The following C1QTNF8 variants were observed in gnomAD, a reference collection of about 807,000 sequenced individuals.
C1QTNF8 encodes complement C1q tumor necrosis factor-related protein 8.
C1QTNF8 carries 27 observed loss-of-function variants against 19.2 expected under a neutral mutation model. The observed-to-expected ratio is 1.41, with a 90% CI of 1.04 to 1.94. The LOEUF (loss-of-function observed/expected upper bound fraction) is 1.94. Among genes scored for constraint, C1QTNF8 ranks in the 30% most tolerant of loss-of-function variants. The pLI is 0.00. For synonymous variants in C1QTNF8, 208 were observed against 172.8 expected (o/e 1.20, Z -1.60); for missense variants, 484 against 374.4 (o/e 1.29, Z -2.42).
In C1QTNF8 at chr16:1,096,000, G is replaced by A. The variant is rs369982922; in HGVS notation, c.-186+156C>T. Among the ~76,000 whole-genome samples the A allele has an allele frequency of 3.0e-4, 45 of 152,326 alleles. No homozygotes were observed. The East Asian group carries it at 5.4e-3, about 18-fold the overall frequency. ...AGGAGCCCCCACGGAGTTCCCGGCC[G>A]TCCCAGCCCCTGGCCCTGCCTGGCA... On this transcript the variant is annotated intron_variant, in intron 1 of 4. Coordinates refer to ENST00000328449, the MANE Select transcript of C1QTNF8 (RefSeq NM_207419.3).
chr16:1,094,910 CG>C lies in C1QTNF8; in HGVS notation c.12del (p.Ala5ProfsTer5). On this transcript the variant is annotated frameshift_variant, in exon 3 of 5. Coordinates refer to ENST00000328449, the MANE Select transcript of C1QTNF8 (RefSeq NM_207419.3). LOFTEE classifies it high-confidence loss of function. MAA[P>X]ALLLLALLLP... is the part of the protein sequence containing the mutation. ...AGCAGCAGTGCTAGGAGCAGCAGGG[CG>C]GGGGCTGCCATCTTGGCCAGGGCTG... 7.6e-7 allele frequency: 1 copy of C among 1,315,304 alleles called. No individual in the cohort carries two copies. The highest frequency in any genetic ancestry group is 9.7e-7 in the Non-Finnish European group (1 of 1,026,276). The allele number at this position is 1,315,304 out of a possible 1,614,324, so 81.5% of individuals were successfully genotyped here. A position where few individuals can be genotyped will look rare whatever the true frequency, so the allele number is the denominator to read the frequency against.
rs78199426 is a variant in C1QTNF8, at chr16:1,088,349, T to C, written c.*2250A>G. 6.6e-6 allele frequency among the ~76,000 whole-genome samples: 1 copy of C among 152,320 alleles called. No homozygotes were observed. Among genetic ancestry groups the C allele is most frequent in the East Asian group, 1.9e-4 (1 of 5,186 alleles). On this transcript the variant is annotated 3_prime_UTR_variant, in exon 5 of 5. Coordinates refer to ENST00000328449, the MANE Select transcript of C1QTNF8 (RefSeq NM_207419.3). The stretch of plus-strand genomic sequence containing the variant: ...GGGATGTCCCCGCGGGAAGCCGCGT[T>C]CCCCAGTCCCTTCCTGTGCGGTTGA...
In C1QTNF8 at chr16:1,095,784, T is replaced by G. The variant is rs1596245604; in HGVS notation, c.-181A>C. The G allele has an allele frequency of 6.6e-6, 1 of 152,346 alleles. No homozygotes were observed. The highest frequency in any genetic ancestry group is 1.9e-4 in the East Asian group (1 of 5,174). 9.4% of individuals were successfully genotyped at this position (152,346 alleles called of 1,614,324 possible). On this transcript the variant is annotated 5_prime_UTR_variant, in exon 2 of 5. Transcript: ENST00000328449. ...GGATTGTAGCACAGGGCAAGGTCCTTCCTCCTGCAGTGGGTCATTCCAGGT... is the reference window on the plus strand; with the variant it reads ...GGATTGTAGCACAGGGCAAGGTCCTGCCTCCTGCAGTGGGTCATTCCAGGT...
intron 2 of C1QTNF8, among the ~76,000 whole-genome samples, chr16:1,095,336 G>GC (rs898859067): frequency 6.6e-6 from 1 of 152,170 alleles, no homozygotes; most frequent in Non-Finnish European, 1.5e-5. Context: ...CCAGGGAAAG[G>GC]CCCCCCAAGG....
chr16:1,091,255 C>A (rs1387505252), intron 4 of C1QTNF8, among the ~76,000 whole-genome samples: 1 of 152,168 alleles, frequency 6.6e-6, no homozygotes, highest in Admixed American at 6.5e-5. Flanking sequence ...CTCTCCTGCC[C>A]CCACCCGGGG....
chr16:1,092,345 G>T (rs1047476172), intron 4 of C1QTNF8, among the ~76,000 whole-genome samples: 4 of 151,352 alleles, frequency 2.6e-5, no homozygotes, highest in African/African-American at 9.8e-5. Context: ...GCACACAGTC[G>T]GCGCTCAATC....
Position 1,089,838 on chromosome 16 carries a change from G to T in C1QTNF8, c.*761C>A, listed in dbSNP as rs1253137526. ...TCGGCCCACCCCTTCCTGTTCGGGC[G>T]CCTTTCTCTCTAAGGCGGAAGCCTC... On this transcript the variant is annotated 3_prime_UTR_variant, in exon 5 of 5. Transcript: ENST00000328449. 1.3e-5 allele frequency among the ~76,000 whole-genome samples: 2 copies of T among 152,152 alleles called. No homozygotes were observed. The highest frequency in any genetic ancestry group is 1.9e-4 in the East Asian group (1 of 5,186).
intron 2 of C1QTNF8, among the ~76,000 whole-genome samples, chr16:1,095,193 G>A (rs528077014): frequency 6.6e-6 from 1 of 152,338 alleles, no homozygotes; most frequent in South Asian, 2.1e-4. Flanking sequence ...CCCCACACCC[G>A]GCAGATGGTG....
Position 1,088,427 on chromosome 16 carries a change from G to T in C1QTNF8, c.*2172C>A, listed in dbSNP as rs1960479014. ...CCACGGGGGTGCCCGGTGCGGTTCT[G>T]ATGGGGTGGCTCCCCCTTGTCTCCT... On this transcript the variant is annotated 3_prime_UTR_variant, in exon 5 of 5. Transcript: ENST00000328449. Among the ~76,000 whole-genome samples the T allele has an allele frequency of 6.6e-6, 1 of 152,190 alleles. No individual in the cohort carries two copies. The highest frequency in any genetic ancestry group is 1.5e-5 in the Non-Finnish European group (1 of 68,032).
At chr16:1,091,650 A>G (rs1201198436) in intron 4 of C1QTNF8, among the ~76,000 whole-genome samples, 1 of 152,004 alleles carries the variant, frequency 6.6e-6, no homozygotes, top group African/African-American at 2.4e-5. Flanking sequence ...CCTGACTTTC[A>G]TCCCTGTCTA....
chr16:1,088,336 C>T lies in C1QTNF8; in HGVS notation c.*2263G>A, dbSNP rs554139932. On this transcript the variant is annotated 3_prime_UTR_variant, in exon 5 of 5. Transcript: ENST00000328449. ...CTGGAATGTCACAGGGATGTCCCCG[C>T]GGGAAGCCGCGTTCCCCAGTCCCTT... 6.6e-5 allele frequency among the ~76,000 whole-genome samples: 10 copies of T among 152,358 alleles called. No individual in the cohort carries two copies. Among genetic ancestry groups the T allele is most frequent in the East Asian group, 1.9e-4 (1 of 5,190 alleles).
At chr16:1,091,676 C>T (rs1047130397) in intron 4 of C1QTNF8, among the ~76,000 whole-genome samples, 2 of 152,270 alleles carry the variant, frequency 1.3e-5, no homozygotes, top group Non-Finnish European at 1.5e-5. Flanking sequence ...AAGGCAACTC[C>T]GTGGGGGTCT....
chr16:1,095,593 C>G (rs762843611), intron 2 of C1QTNF8, 22 bp downstream of exon 2: 1 of 152,436 alleles, frequency 6.6e-6, no homozygotes, highest in Non-Finnish European at 1.5e-5. Flanking sequence ...CCTGGCCCCC[C>G]TGCCAGGTGG....
In C1QTNF8 at chr16:1,089,764, T is replaced by TG. The variant is rs1960505391; in HGVS notation, c.*834dup. Among the ~76,000 whole-genome samples, 1 of 152,096 alleles carries TG rather than the reference T, an allele frequency of 6.6e-6. No homozygotes were observed. The highest frequency in any genetic ancestry group is 1.5e-5 in the Non-Finnish European group (1 of 68,010). ...CGGCCGTCAGCACACGGGGTAGGGCTGGGGGTGTCCCGGTCGGGGTGGGAG... is the reference window on the plus strand; with the variant it reads ...CGGCCGTCAGCACACGGGGTAGGGCTGGGGGGTGTCCCGGTCGGGGTGGGAG... On this transcript the variant is annotated 3_prime_UTR_variant, in exon 5 of 5. Transcript: ENST00000328449.
chr16:1,094,887 C>A lies in C1QTNF8; in HGVS notation c.36G>T (p.Leu12=). 7.2e-7 allele frequency: 1 copy of A among 1,388,370 alleles called. No homozygotes were observed. The highest frequency in any genetic ancestry group is 1.8e-5 in the South Asian group (1 of 54,810). 86.0% of individuals were successfully genotyped at this position (1,388,370 alleles called of 1,614,324 possible). The change falls in exon 3 of 5, where the codon CTG becomes CTT. Residue 12 remains leucine (L), a synonymous_variant. Coordinates refer to ENST00000328449, the MANE Select transcript of C1QTNF8 (RefSeq NM_207419.3). ...AAPALLLLAL[L]LPVGAWPGLP... Reference sequence around the variant, plus strand: ...GCCCGGGCCAGGCCCCCACGGGCAGCAGCAGTGCTAGGAGCAGCAGGGCGG... The same window carrying A: ...GCCCGGGCCAGGCCCCCACGGGCAGAAGCAGTGCTAGGAGCAGCAGGGCGG...
chr16:1,089,606 T>G lies in C1QTNF8; in HGVS notation c.*993A>C, dbSNP rs1241175891. Among the ~76,000 whole-genome samples, 1 of 152,200 alleles carries G rather than the reference T, an allele frequency of 6.6e-6. No homozygotes were observed. The highest frequency in any genetic ancestry group is 1.5e-5 in the Non-Finnish European group (1 of 68,032). The stretch of plus-strand genomic sequence containing the variant: ...GACGTGGCTGCAGCCTGGCTCTGCC[T>G]GCGTGGCACTGGGTGTCCTCACTTG... On this transcript the variant is annotated 3_prime_UTR_variant, in exon 5 of 5. Coordinates refer to ENST00000328449, the MANE Select transcript of C1QTNF8 (RefSeq NM_207419.3).
intron 4 of C1QTNF8, among the ~76,000 whole-genome samples, 170 bp downstream of exon 4, chr16:1,093,327 C>T (rs879888549): frequency 2.0e-5 from 3 of 150,192 alleles, no homozygotes; most frequent in Non-Finnish European, 4.4e-5. Flanking sequence ...ACACAGTCAG[C>T]GCTCAACAAA....
intron 4 of C1QTNF8, among the ~76,000 whole-genome samples, chr16:1,092,233 C>G: frequency 6.6e-6 from 1 of 152,212 alleles, no homozygotes; most frequent in Non-Finnish European, 1.5e-5. Context: ...ACCCAGCACT[C>G]CACATGGCCC....
rs1165231667 is a variant in C1QTNF8 at position 1,088,440 on chromosome 16, C to T, written c.*2159G>A. Among the ~76,000 whole-genome samples, 1 of 152,160 alleles carries T rather than the reference C, an allele frequency of 6.6e-6. No homozygotes were observed. The highest frequency in any genetic ancestry group is 1.5e-5 in the Non-Finnish European group (1 of 68,022). On this transcript the variant is annotated 3_prime_UTR_variant, in exon 5 of 5. Coordinates refer to ENST00000328449, the MANE Select transcript of C1QTNF8 (RefSeq NM_207419.3). ...CGGTGCGGTTCTGATGGGGTGGCTC[C>T]CCCTTGTCTCCTAAGTGGCCAGGGC...
Sources: allele counts gnomAD v4.1 joint callset (sites outside exome capture counted in the v4.1 genomes callset), GRCh38; gene constraint gnomAD v4.1.1; transcripts MANE v1.5; gene names NCBI Gene and HGNC (gene_info 2026-07-23, HGNC 2026-07-21).